ARSG: variants seen among roughly 807,000 people sequenced by gnomAD.
ARSG encodes the protein arylsulfatase G.
A neutral mutation model predicts 50.5 loss-of-function variants in ARSG; 37 were observed. That is an observed-to-expected ratio of 0.73 (90% CI 0.56 to 0.96). The LOEUF (loss-of-function observed/expected upper bound fraction) is 0.96. ARSG is among the 50% of genes least tolerant of loss of function. The probability of loss-of-function intolerance (pLI) is 0.00; values close to 1 mark genes in which losing one functional copy is unlikely to be tolerated. For synonymous variants in ARSG, 225 were observed against 254.6 expected (o/e 0.88, Z 1.11); for missense variants, 629 against 675.3 (o/e 0.93, Z 0.76).
chr17:68,417,179 T>C (rs1347214792), intron 11 of ARSG, among the ~76,000 whole-genome samples: 2 of 152,154 alleles, frequency 1.3e-5, no homozygotes, highest in African/African-American at 2.4e-5. Flanking sequence ...TCTTAGTCTA[T>C]CCCTTCCCTC....
chr17:68,348,492 C>A (rs1198098751), intron 4 of ARSG, among the ~76,000 whole-genome samples: 2 of 152,096 alleles, frequency 1.3e-5, no homozygotes, highest in Non-Finnish European at 2.9e-5. Context: ...CTGGCATGGA[C>A]ACTCTGAGGT....
chr17:68,276,166 T>C (rs530007910), intron 1 of ARSG, among the ~76,000 whole-genome samples: 6 of 150,870 alleles, frequency 4.0e-5, no homozygotes, highest in Middle Eastern at 3.2e-3. Flanking sequence ...CAATCTCAGC[T>C]CACTGCAACC....
At chr17:68,368,815 A>G (rs2079679082) in intron 7 of ARSG, 71 bp downstream of exon 7, 2 of 1,526,698 alleles carry the variant, frequency 1.3e-6, no homozygotes, top group South Asian at 2.3e-5. Flanking sequence ...TGTGAAGAGC[A>G]GAGTCTGGCC....
At chr17:68,417,774 G>A (rs1355313496) in intron 11 of ARSG, among the ~76,000 whole-genome samples, 1 of 96,422 alleles carries the variant, frequency 1.0e-5, no homozygotes, top group Non-Finnish European at 1.9e-5. Flanking sequence ...TTGAGATGGA[G>A]TCTCACATTG....
At chr17:68,261,796 A>G (rs2075074371) in intron 1 of ARSG, among the ~76,000 whole-genome samples, 3 of 152,212 alleles carry the variant, frequency 2.0e-5, no homozygotes, top group African/African-American at 7.2e-5. Context: ...GGAAGGGAGT[A>G]CCAAGCAAAG....
intron 1 of ARSG, among the ~76,000 whole-genome samples, chr17:68,301,211 A>G (rs1170009907): frequency 6.6e-6 from 1 of 151,872 alleles, no homozygotes; most frequent in Non-Finnish European, 1.5e-5. Context: ...TCTTCTGTTG[A>G]GCTTAGACTA....
intron 1 of ARSG, among the ~76,000 whole-genome samples, chr17:68,265,999 C>A (rs1257179208): frequency 2.0e-5 from 3 of 152,064 alleles, no homozygotes; most frequent in Non-Finnish European, 4.4e-5. Flanking sequence ...GTTTGCCAAC[C>A]CCTGGCATGT....
At chr17:68,405,130 C>CTTTTTT (rs58178643) in intron 11 of ARSG, among the ~76,000 whole-genome samples, 2 of 92,988 alleles carry the variant, frequency 2.2e-5, no homozygotes, top group East Asian at 3.3e-4. Flanking sequence ...CAGCTTTGGG[C>CTTTTTT]TTTTTTTTTT....
At position 68,271,370 on chromosome 17, in the gene ARSG, C is replaced by T. The variant is rs569854171; in HGVS notation, c.-552+11944C>T. ...GTCTTCACCAGGACCTGCTGCATGTCGGCCTTCGGCTCCAGTTCCAGGTTA... is the reference window on the plus strand; with the variant it reads ...GTCTTCACCAGGACCTGCTGCATGTTGGCCTTCGGCTCCAGTTCCAGGTTA... On this transcript the variant is annotated intron_variant, in intron 1 of 11. Coordinates refer to the ARSG transcript ENST00000448504. The surrounding 1 kb of genome is among the most constrained non-coding windows in gnomAD (Gnocchi z 5.3). The T allele has an allele frequency of 5.0e-6, 8 of 1,614,242 alleles. No homozygotes were observed. Among genetic ancestry groups the T allele is most frequent in the African/African-American group, 4.0e-5 (3 of 75,062 alleles).
At position 68,299,937 on chromosome 17, in the gene ARSG, C is replaced by CTTTTT. The variant is rs34778190; in HGVS notation, c.-551-6993_-551-6989dup. ...TAAAATTATATGATATTTGGTATTG[C>CTTTTT]TTTTTTTTTTTTTTTTTAAGAGACA... On this transcript the variant is annotated intron_variant, in intron 1 of 11. Coordinates refer to ENST00000621439, the MANE Select transcript of ARSG (RefSeq NM_001267727.2). Among the ~76,000 whole-genome samples the CTTTTT allele has an allele frequency of 2.4e-3, 325 of 137,970 alleles. 3 individuals are homozygous for CTTTTT. The highest frequency in any genetic ancestry group is 0.02 in the Middle Eastern group (5 of 256). 90.5% of individuals were successfully genotyped at this position (137,970 alleles called of 152,430 possible). A position where few individuals can be genotyped will look rare whatever the true frequency, so the allele number is the denominator to read the frequency against.
chr17:68,444,628 C>T, the ARSG span: 3 of 1,553,012 alleles, frequency 1.9e-6, no homozygotes, highest in African/African-American at 2.7e-5. Flanking sequence ...CGAACCGTTC[C>T]TTACAAAGAC....
chr17:68,259,501 AGATTCT>A (rs1408424643), intron 1 of ARSG: 1 of 152,224 alleles, frequency 6.6e-6, no homozygotes, highest in East Asian at 1.9e-4. Context: ...GTCACTTTGT[AGATTCT>A]GATATCTAGA....
At chr17:68,435,553 C>T in the ARSG span, 5 of 1,497,886 alleles carry the variant, frequency 3.3e-6, no homozygotes, top group Non-Finnish European at 2.8e-6. Context: ...TGTTCAATCC[C>T]ATCCCTGCGC....
chr17:68,310,351 G>C (rs1268805074), intron 2 of ARSG, among the ~76,000 whole-genome samples: 1 of 152,212 alleles, frequency 6.6e-6, no homozygotes, highest in East Asian at 1.9e-4. Context: ...GAGCAAAAGA[G>C]AGTCTGTGAG....
At chr17:68,386,988 T>TTG (rs1274947206) in intron 9 of ARSG, among the ~76,000 whole-genome samples, 7 of 151,972 alleles carry the variant, frequency 4.6e-5, no homozygotes, top group Admixed American at 4.6e-4. Context: ...AGGAGATACA[T>TTG]TAGGTTGGTG....
At chr17:68,334,588 G>T (rs374739185) in intron 2 of ARSG, among the ~76,000 whole-genome samples, 1 of 152,090 alleles carries the variant, frequency 6.6e-6, no homozygotes, top group Non-Finnish European at 1.5e-5. Context: ...GGCACTCCTT[G>T]GTTGGGCAAT....
intron 9 of ARSG, among the ~76,000 whole-genome samples, chr17:68,390,941 T>TTTC (rs398031415): frequency 6.6e-6 from 1 of 150,834 alleles, no homozygotes; most frequent in East Asian, 1.9e-4. Flanking sequence ...TTTTTTTTTT[T>TTTC]AATGAAGGAA....
At chr17:68,339,046 C>T (rs995640458) in intron 2 of ARSG, among the ~76,000 whole-genome samples, 1 of 152,146 alleles carries the variant, frequency 6.6e-6, no homozygotes, top group Non-Finnish European at 1.5e-5. Context: ...AGGCCCCTGC[C>T]TAAGAGATTC....
intron 2 of ARSG, among the ~76,000 whole-genome samples, chr17:68,318,686 C>T (rs10445209): frequency 0.49 from 73,973 of 152,136 alleles, 21,722 homozygotes; most frequent in Non-Finnish European, 0.64. Flanking sequence ...GTTAACTTTG[C>T]GCCTTGATCT....
Sources: allele counts gnomAD v4.1 joint callset (sites outside exome capture counted in the v4.1 genomes callset), GRCh38; gene constraint gnomAD v4.1.1; non-coding constraint Gnocchi (gnomAD v3.1); transcripts MANE v1.5; gene names NCBI Gene and HGNC (gene_info 2026-07-23, HGNC 2026-07-21).